PDPR: variants seen among roughly 807,000 people sequenced by gnomAD.
PDPR encodes pyruvate dehydrogenase phosphatase regulatory subunit, mitochondrial.
PDPR carries 50 observed loss-of-function variants against 102.2 expected under a neutral mutation model. The ratio of observed to expected loss-of-function variants is 0.49; its 90% CI spans 0.39 to 0.62. The LOEUF is 0.62. PDPR is among the 20% of genes least tolerant of loss of function. The pLI, the probability that PDPR is intolerant of heterozygous loss-of-function variation, is 0.00. For missense variants in PDPR, 625 were observed against 1,098.2 expected, an observed-to-expected ratio of 0.57 and a Z score of 6.09; for synonymous variants, 259 against 406.0, an observed-to-expected ratio of 0.64 and a Z score of 4.35.
chr16:70,144,417 T>A lies in PDPR; in HGVS notation c.1755-4T>A. ...TTTGATTATTTTGGGGTCTCACTTT[T>A]CAGTTTCTTCATGATCTCTCCAACC... On this transcript the variant is annotated splice_polypyrimidine_tract_variant and splice_region_variant and intron_variant, in intron 14 of 18. Coordinates refer to ENST00000288050, the MANE Select transcript of PDPR (RefSeq NM_017990.5). 1 of 583,306 alleles carries A rather than the reference T, an allele frequency of 1.7e-6. No homozygotes were observed. Among genetic ancestry groups the A allele is most frequent in the East Asian group, 3.4e-5 (1 of 29,252 alleles). The allele number at this position is 583,306 out of a possible 1,614,324, so 36.1% of individuals were successfully genotyped here. A position where few individuals can be genotyped will look rare whatever the true frequency, so the allele number is the denominator to read the frequency against.
chr16:70,156,838 C>T lies in PDPR; in HGVS notation c.2599C>T (p.Arg867Ter), dbSNP rs748216113. Reference sequence around the variant, plus strand: ...CGCCTCCCTCTTCACCCAGAAGCGCCGAAAGGATGACATGGAGCTGAGTGA... The same window carrying T: ...CGCCTCCCTCTTCACCCAGAAGCGCTGAAAGGATGACATGGAGCTGAGTGA... ...PVASLFTQKR[R>*]KDDMELSDLH... Residue 867 changes from arginine (R) to a stop codon, truncating the protein, a stop_gained, in exon 19 of 19, where the codon CGA becomes TGA. Transcript: ENST00000288050. LOFTEE classifies it high-confidence loss of function. The T allele has an allele frequency of 7.4e-6, 12 of 1,614,000 alleles. No individual in the cohort carries two copies. The highest frequency in any genetic ancestry group is 1.7e-4 in the Middle Eastern group (1 of 6,060).
rs1048746116 is a variant in PDPR, at chr16:70,162,120, C to T, written c.*5241C>T. Reference sequence around the variant, plus strand: ...TGGGTTCCCATCCGCCCCACATAGCCTCTCCTTCTTCGGAACAATGGGCGT... The same window carrying T: ...TGGGTTCCCATCCGCCCCACATAGCTTCTCCTTCTTCGGAACAATGGGCGT... On this transcript the variant is annotated 3_prime_UTR_variant, in exon 19 of 19. Coordinates refer to ENST00000288050, the MANE Select transcript of PDPR (RefSeq NM_017990.5). 1.3e-5 allele frequency: 2 copies of T among 152,512 alleles called. No individual in the cohort carries two copies. The highest frequency in any genetic ancestry group is 6.5e-5 in the Admixed American group (1 of 15,290). The allele number at this position is 152,512 out of a possible 1,614,324, so 9.4% of individuals were successfully genotyped here. A position where few individuals can be genotyped will look rare whatever the true frequency, so the allele number is the denominator to read the frequency against.
In PDPR at chr16:70,156,635, C is replaced by G. The variant is rs951264768; in HGVS notation, c.2396C>G (p.Thr799Ser). The G allele has an allele frequency of 6.2e-7, 1 of 1,613,996 alleles. No individual in the cohort carries two copies. Among genetic ancestry groups the G allele is most frequent in the Non-Finnish European group, 8.5e-7 (1 of 1,179,926 alleles). Residue 799 changes from threonine to serine, a missense_variant, in exon 19 of 19, where the codon ACC (threonine) becomes AGC (serine). Thr to Ser is a moderately conservative substitution (Grantham distance 58). This residue lies in a region of PDPR where 303 missense variants were observed against 258.9 expected (regional missense o/e 1.17). Coordinates refer to ENST00000288050, the MANE Select transcript of PDPR (RefSeq NM_017990.5). ...CGGAATGGGCAGTATGTTGGCAAGA[C>G]CACCAGCAGTGCCTACAGCTACAGC... Reference protein sequence around the residue: ...IYRNGQYVGKTTSSAYSYSLE... With the variant: ...IYRNGQYVGKSTSSAYSYSLE...
chr16:70,146,291 A>C, intron 16 of PDPR, 63 bp downstream of exon 16: 1 of 1,610,352 alleles, frequency 6.2e-7, no homozygotes, highest in South Asian at 1.1e-5. Context: ...TAGCGGTGGC[A>C]GGTACATATT....
intron 9 of PDPR, among the ~76,000 whole-genome samples, chr16:70,132,501 A>G (rs1204340411): frequency 2.0e-5 from 3 of 152,198 alleles, no homozygotes; most frequent in South Asian, 2.1e-4. Context: ...CTTAGTTAAT[A>G]GACATTTGCC....
intron 11 of PDPR, among the ~76,000 whole-genome samples, chr16:70,139,994 T>G (rs1305480037): frequency 6.6e-6 from 1 of 152,224 alleles, no homozygotes; most frequent in African/African-American, 2.4e-5. Flanking sequence ...CTAACAGCAA[T>G]ATGTTTAACT....
At chr16:70,129,463 G>A (rs1964320000) in intron 6 of PDPR, among the ~76,000 whole-genome samples, 1 of 152,272 alleles carries the variant, frequency 6.6e-6, no homozygotes, top group African/African-American at 2.4e-5. Context: ...TCCTGCTTCA[G>A]CCTCCCGAGT....
At position 70,157,130 on chromosome 16, in the gene PDPR, G is replaced by A. The variant is rs1266890753; in HGVS notation, c.*251G>A. 16 of 676,344 alleles carry A rather than the reference G, an allele frequency of 2.4e-5. No homozygotes were observed. Among genetic ancestry groups the A allele is most frequent in the African/African-American group, 1.4e-4 (8 of 56,644 alleles). The allele number at this position is 676,344 out of a possible 1,614,324, so 41.9% of individuals were successfully genotyped here. A position where few individuals can be genotyped will look rare whatever the true frequency, so the allele number is the denominator to read the frequency against. On this transcript the variant is annotated 3_prime_UTR_variant, in exon 19 of 19. Transcript: ENST00000288050. ...CTTCCCACCCCTCACTCAGCTTCTC[G>A]TGGTGGCAGGAGGTATGTCTGACAG...
intron 3 of PDPR, among the ~76,000 whole-genome samples, chr16:70,124,965 C>G (rs1179460189): frequency 6.6e-6 from 1 of 152,218 alleles, no homozygotes; most frequent in African/African-American, 2.4e-5. Context: ...GTCTTTGGGC[C>G]CTAGCATTAC....
rs570093088 is a variant in PDPR at position 70,132,531 on chromosome 16, T to C, written c.997+231T>C. Among the ~76,000 whole-genome samples the C allele has an allele frequency of 4.1e-4, 63 of 152,384 alleles. No individual in the cohort carries two copies. In the South Asian group the frequency reaches 0.012, roughly 29 times the overall value. ...TTTGCCTTATTCTTTTTTAATTTTA[T>C]TCTTAGTTTTACTTTTTTTTTTTTA... On this transcript the variant is annotated intron_variant, in intron 9 of 18. Transcript: ENST00000288050.
chr16:70,142,734 T>C (rs766658951), intron 13 of PDPR, 48 bp downstream of exon 13: 18 of 1,611,484 alleles, frequency 1.1e-5, no homozygotes, highest in Admixed American at 1.7e-5. Context: ...ACTTTACATA[T>C]TTATTGAATG....
Position 70,161,723 on chromosome 16 carries a change from C to T in PDPR, c.*4844C>T, listed in dbSNP as rs1240010029. ...ACTGAGTATTTTTGTATGCCTTTGCCTTCCCTTTGTCCATGAAACATGAAG... is the reference window on the plus strand; with the variant it reads ...ACTGAGTATTTTTGTATGCCTTTGCTTTCCCTTTGTCCATGAAACATGAAG... On this transcript the variant is annotated 3_prime_UTR_variant, in exon 19 of 19. Transcript: ENST00000288050. The T allele has an allele frequency of 1.3e-5, 2 of 152,686 alleles. No homozygotes were observed. Among genetic ancestry groups the T allele is most frequent in the Non-Finnish European group, 2.9e-5 (2 of 68,306 alleles). The allele number at this position is 152,686 out of a possible 1,614,324, so 9.5% of individuals were successfully genotyped here.
chr16:70,131,339 T>C lies in PDPR; in HGVS notation c.767T>C (p.Val256Ala), dbSNP rs1964517589. Residue 256 changes from valine to alanine, a missense_variant, in exon 8 of 19, where the codon GTT becomes GCT. Around this residue, in one of 11 missense-constraint regions of PDPR, gnomAD observed 16 missense variants for 93.0 expected, o/e 0.17. Coordinates refer to ENST00000288050, the MANE Select transcript of PDPR (RefSeq NM_017990.5). ...CTGGGTCTGTCCAACGAGGAGCCGG[T>C]TAGTATCCCGCTACATGCCTGCGAA... ...YELGLSNEEP[V>A]SIPLHACEHF... The C allele has an allele frequency of 6.5e-7, 1 of 1,537,354 alleles. No individual in the cohort carries two copies. Among genetic ancestry groups the C allele is most frequent in the Non-Finnish European group, 8.9e-7 (1 of 1,129,030 alleles).
chr16:70,147,778 A>G, intron 16 of PDPR: 1 of 369,320 alleles, frequency 2.7e-6, no homozygotes, highest in Admixed American at 3.4e-5. Flanking sequence ...AGCAACAGAA[A>G]ACTCTCCACT....
intron 2 of PDPR, among the ~76,000 whole-genome samples, chr16:70,115,800 T>G (rs1168023719): frequency 1.3e-5 from 2 of 152,078 alleles, no homozygotes; most frequent in Non-Finnish European, 2.9e-5. Context: ...TTTCCAGAAC[T>G]GTAAAAACTC....
At chr16:70,155,802 CTTT>C (rs60054362) in intron 18 of PDPR, among the ~76,000 whole-genome samples, 1 of 139,660 alleles carries the variant, frequency 7.2e-6, no homozygotes, top group Non-Finnish European at 1.5e-5. Flanking sequence ...ATAAAAAAGT[CTTT>C]TTTTTTTTTT....
At chr16:70,148,778 C>T (rs1410471419) in intron 17 of PDPR, among the ~76,000 whole-genome samples, 1 of 152,386 alleles carries the variant, frequency 6.6e-6, no homozygotes, top group South Asian at 2.1e-4. Context: ...ATAGGTGATA[C>T]ATTTAAAAAG....
At chr16:70,152,243 G>A (rs1966792745) in intron 17 of PDPR, among the ~76,000 whole-genome samples, 1 of 152,274 alleles carries the variant, frequency 6.6e-6, no homozygotes, top group South Asian at 2.1e-4. Flanking sequence ...TGTCTTCCCG[G>A]CACGGTGGCT....
intron 10 of PDPR, among the ~76,000 whole-genome samples, chr16:70,137,486 G>C (rs1235968699): frequency 2.6e-5 from 4 of 152,278 alleles, no homozygotes; most frequent in Non-Finnish European, 5.9e-5. Flanking sequence ...GAGACAGAAA[G>C]TACAATGGTG....
Sources: allele counts gnomAD v4.1 joint callset (sites outside exome capture counted in the v4.1 genomes callset), GRCh38; gene constraint gnomAD v4.1.1; regional missense constraint gnomAD v4.1.1; transcripts MANE v1.5; gene names NCBI Gene and HGNC (gene_info 2026-07-23, HGNC 2026-07-21).